The following SNX29 variants were observed in gnomAD, a reference collection of about 807,000 sequenced individuals.
SNX29 encodes the protein sorting nexin-29.
In SNX29, 78 loss-of-function variants were observed where a neutral mutation model predicts 102.1. The ratio of observed to expected loss-of-function variants is 0.76; its 90% confidence interval spans 0.64 to 0.92. The LOEUF (loss-of-function observed/expected upper bound fraction) is 0.92. Among genes scored for constraint, SNX29 ranks in the 40% least tolerant of loss-of-function variants. The pLI is 0.00. For missense variants in SNX29, 1,280 were observed against 1,061.7 expected (o/e 1.21, Z -2.86); for synonymous variants, 580 against 414.5 (o/e 1.40, Z -4.85).
chr16:12,557,935 T>G (rs2078473123), intron 20 of SNX29, among the ~76,000 whole-genome samples: 1 of 152,168 alleles, frequency 6.6e-6, no homozygotes, highest in Non-Finnish European at 1.5e-5. Context: ...GGCTGCTATT[T>G]TCATTCACCG....
At chr16:12,317,865 T>A (rs2080801900) in intron 15 of SNX29, among the ~76,000 whole-genome samples, 1 of 152,030 alleles carries the variant, frequency 6.6e-6, no homozygotes, top group South Asian at 2.1e-4. Context: ...GGGGTCGAAA[T>A]GAGATAATGC....
At chr16:12,102,423 T>C (rs373966430) in intron 11 of SNX29, among the ~76,000 whole-genome samples, 9 of 152,356 alleles carry the variant, frequency 5.9e-5, no homozygotes, top group South Asian at 2.1e-4. Flanking sequence ...TCCTCTCCAG[T>C]GTCTGTTGTT....
At chr16:12,453,475 G>T (rs2086397114) in intron 18 of SNX29, among the ~76,000 whole-genome samples, 1 of 152,134 alleles carries the variant, frequency 6.6e-6, no homozygotes, top group African/African-American at 2.4e-5. Flanking sequence ...TTGCAGGGTT[G>T]TTGTGAAAAC....
At chr16:12,508,075 G>A (rs929421735) in intron 19 of SNX29, among the ~76,000 whole-genome samples, 2 of 152,256 alleles carry the variant, frequency 1.3e-5, no homozygotes, top group Admixed American at 6.5e-5. Flanking sequence ...GTGAGTTTCA[G>A]TGTTCTTACC....
intron 15 of SNX29, among the ~76,000 whole-genome samples, chr16:12,328,240 C>T (rs561904381): frequency 1.3e-5 from 2 of 152,206 alleles, no homozygotes; most frequent in Admixed American, 6.5e-5. Flanking sequence ...TATTTTACTA[C>T]TACTGTTTGT....
chr16:12,399,658 G>A (rs2083862034), intron 17 of SNX29, among the ~76,000 whole-genome samples: 1 of 152,148 alleles, frequency 6.6e-6, no homozygotes, highest in African/African-American at 2.4e-5. Flanking sequence ...AGAGCTTGTG[G>A]TGGCGATGAG....
intron 1 of SNX29, chr16:11,983,660 A>T: frequency 2.0e-6 from 2 of 985,398 alleles, no homozygotes; most frequent in Non-Finnish European, 2.4e-6. Context: ...CTGGCGATGG[A>T]CTAGGTCCTA....
rs1485852715 is a variant in SNX29, at chr16:12,129,632, C to G, written c.1469C>G (p.Ser490Ter). The G allele has an allele frequency of 1.2e-6, 2 of 1,608,744 alleles. No individual in the cohort carries two copies. The highest frequency in any genetic ancestry group is 1.7e-6 in the Non-Finnish European group (2 of 1,178,050). ...RKDELEEENRSLRNLLDGEME... is the reference protein window; with the variant it reads ...RKDELEEENR ...CAGATGGGTCCCTCTCTTCCCAGATCACTGCGAAACCTGCTCGACGGTGAG... is the reference window on the plus strand; with the variant it reads ...CAGATGGGTCCCTCTCTTCCCAGATGACTGCGAAACCTGCTCGACGGTGAG... The change falls in exon 13 of 21, where the codon TCA becomes TGA. Residue 490 changes from serine to a stop codon, truncating the protein, a stop_gained and splice_region_variant. Coordinates refer to ENST00000566228, the MANE Select transcript of SNX29 (RefSeq NM_032167.5). LOFTEE classifies it high-confidence loss of function.
At chr16:12,520,046 C>G (rs1329528815) in intron 19 of SNX29, among the ~76,000 whole-genome samples, 1 of 152,178 alleles carries the variant, frequency 6.6e-6, no homozygotes, top group Non-Finnish European at 1.5e-5. Flanking sequence ...AAACAAAACA[C>G]AGTCACAGGC....
chr16:12,133,325 C>G (rs572543208), intron 13 of SNX29, among the ~76,000 whole-genome samples: 2 of 115,866 alleles, frequency 1.7e-5, no homozygotes, highest in South Asian at 6.2e-4. Context: ...GTATCTCACT[C>G]TGTCACCCAG....
intron 19 of SNX29, among the ~76,000 whole-genome samples, chr16:12,518,684 A>G (rs926450992): frequency 6.6e-6 from 1 of 152,132 alleles, no homozygotes; most frequent in Non-Finnish European, 1.5e-5. Context: ...GAGGAAAAGG[A>G]TCCCAGCTAA....
chr16:12,459,147 C>G (rs1485913011), intron 18 of SNX29, among the ~76,000 whole-genome samples: 1 of 144,064 alleles, frequency 6.9e-6, no homozygotes, highest in African/African-American at 2.6e-5. Context: ...CCTCCTCCCC[C>G]TCTCCACTTC....
At chr16:12,538,570 G>A (rs2077181889) in intron 20 of SNX29, among the ~76,000 whole-genome samples, 2 of 152,158 alleles carry the variant, frequency 1.3e-5, no homozygotes, top group Admixed American at 6.5e-5. Flanking sequence ...GGTCTTAGCT[G>A]AGCTGGCTTC....
intron 15 of SNX29, among the ~76,000 whole-genome samples, chr16:12,314,767 G>C (rs1294950142): frequency 6.6e-6 from 1 of 152,168 alleles, no homozygotes; most frequent in Non-Finnish European, 1.5e-5. Context: ...CACTTGAATT[G>C]GTTCTGATTG....
chr16:12,217,075 C>T (rs1042271638), intron 14 of SNX29, among the ~76,000 whole-genome samples: 4 of 152,214 alleles, frequency 2.6e-5, no homozygotes, highest in African/African-American at 9.6e-5. Flanking sequence ...ATTGCCCAGG[C>T]TGGAGTGCAG....
intron 14 of SNX29, among the ~76,000 whole-genome samples, chr16:12,254,083 G>C (rs2078498723): frequency 1.3e-5 from 2 of 152,182 alleles, no homozygotes; most frequent in African/African-American, 2.4e-5. Flanking sequence ...CTGCTAACCA[G>C]GATGGGGATG....
chr16:12,068,405 T>C (rs1313141914), intron 9 of SNX29, among the ~76,000 whole-genome samples: 1 of 148,648 alleles, frequency 6.7e-6, no homozygotes, highest in Non-Finnish European at 1.5e-5. Context: ...GGAGGACCAC[T>C]GGAGCCTGGG....
chr16:12,380,433 C>G (rs2083041277), intron 16 of SNX29, among the ~76,000 whole-genome samples: 1 of 120,108 alleles, frequency 8.3e-6, no homozygotes, highest in East Asian at 2.7e-4. Flanking sequence ...CATCCATCCA[C>G]CTAGCTACCT....
chr16:12,477,653 T>C (rs2087717747), intron 18 of SNX29, 66 bp from the exon 19 acceptor site: 1 of 1,580,868 alleles, frequency 6.3e-7, no homozygotes, highest in East Asian at 2.3e-5. Context: ...GGGGAAAGCA[T>C]AGCCGAAATC....
Sources: allele counts gnomAD v4.1 joint callset (sites outside exome capture counted in the v4.1 genomes callset), GRCh38; gene constraint gnomAD v4.1.1; transcripts MANE v1.5; gene names NCBI Gene and HGNC (gene_info 2026-07-23, HGNC 2026-07-21).